AKAP13: variants seen among roughly 807,000 people sequenced by gnomAD.
AKAP13 encodes the protein A-kinase anchoring protein 13, also known as A-kinase anchor protein 13.
In AKAP13, 80 loss-of-function variants were observed where a neutral mutation model predicts 264.5. That is an observed-to-expected ratio of 0.30 (90% CI 0.25 to 0.36). The LOEUF (loss-of-function observed/expected upper bound fraction) is 0.36. Among genes scored for constraint, AKAP13 ranks in the 10% least tolerant of loss-of-function variants. AKAP13 has a pLI of 1.00. For missense variants in AKAP13, 3,712 were observed against 3,435.2 expected (o/e 1.08, Z -2.01); for synonymous variants, 1,380 against 1,250.2 (o/e 1.10, Z -2.19).
chr15:85,677,976 TTCTC>T (rs1022600768), intron 14 of AKAP13, among the ~76,000 whole-genome samples: 16 of 152,264 alleles, frequency 1.1e-4, no homozygotes, highest in Admixed American at 8.5e-4. Flanking sequence ...ATCTCCTACT[TTCTC>T]TCTCCTTTTG....
rs370562717 is a variant in AKAP13 at position 85,671,912 on chromosome 15, A to G, written c.5101+2082A>G. 3.8e-4 allele frequency among the ~76,000 whole-genome samples: 58 copies of G among 152,260 alleles called. No homozygotes were observed. The South Asian group carries it at 9.9e-3, about 26-fold the overall frequency. Reference sequence around the variant, plus strand: ...TCCCATAGAGAGACCTTTTTCCTATATTTTGTGACATGCTTTCTTTCCTTG... The same window carrying G: ...TCCCATAGAGAGACCTTTTTCCTATGTTTTGTGACATGCTTTCTTTCCTTG... On this transcript the variant is annotated intron_variant, in intron 14 of 36. Transcript: ENST00000394518.
chr15:85,529,856 T>C (rs2077193272), intron 3 of AKAP13, among the ~76,000 whole-genome samples: 1 of 152,238 alleles, frequency 6.6e-6, no homozygotes, highest in East Asian at 1.9e-4. Flanking sequence ...AGGTTTTCTT[T>C]TGAAAAAGAA....
At chr15:85,466,936 C>T (rs183518795) in intron 1 of AKAP13, among the ~76,000 whole-genome samples, 1 of 151,866 alleles carries the variant, frequency 6.6e-6, no homozygotes, top group East Asian at 1.9e-4. Context: ...TGTTCCCAAC[C>T]TTTTAAAAAT....
intron 8 of AKAP13, among the ~76,000 whole-genome samples, chr15:85,612,157 C>T (rs1355455455): frequency 6.6e-6 from 1 of 152,088 alleles, no homozygotes; most frequent in Non-Finnish European, 1.5e-5. Context: ...TGTGAAATTT[C>T]CTGGTTGTTG....
chr15:85,698,319 A>T (rs2085680867), intron 17 of AKAP13, among the ~76,000 whole-genome samples: 1 of 151,842 alleles, frequency 6.6e-6, no homozygotes, highest in African/African-American at 2.4e-5. Flanking sequence ...TACAAAAGTT[A>T]GTCGGGCATG....
chr15:85,646,237 G>A (rs562551771), intron 10 of AKAP13, among the ~76,000 whole-genome samples: 93 of 152,332 alleles, frequency 6.1e-4, no homozygotes, highest in African/African-American at 2.2e-3. Flanking sequence ...CACTTTGGGA[G>A]GCTGAGGTGG....
intron 1 of AKAP13, among the ~76,000 whole-genome samples, chr15:85,437,708 A>G (rs1213575064): frequency 2.0e-5 from 3 of 152,378 alleles, no homozygotes; most frequent in African/African-American, 7.2e-5. Flanking sequence ...AACAGAGCCA[A>G]AGACAAAAAC....
chr15:85,427,738 A>G (rs956760095), intron 1 of AKAP13, among the ~76,000 whole-genome samples: 1 of 152,226 alleles, frequency 6.6e-6, no homozygotes, highest in African/African-American at 2.4e-5. Flanking sequence ...TTATGGAAAT[A>G]TAGATGAAGG....
At chr15:85,705,534 A>T (rs74786951) in intron 17 of AKAP13, among the ~76,000 whole-genome samples, 1 of 152,210 alleles carries the variant, frequency 6.6e-6, no homozygotes, top group African/African-American at 2.4e-5. Flanking sequence ...CGATAAATGG[A>T]TTATGCAAAA....
At chr15:85,395,577 T>C (rs563193078) in intron 1 of AKAP13, among the ~76,000 whole-genome samples, 1 of 152,336 alleles carries the variant, frequency 6.6e-6, no homozygotes, top group South Asian at 2.1e-4. Flanking sequence ...AAAGGATATC[T>C]GAAGGCAGTG....
intron 5 of AKAP13, among the ~76,000 whole-genome samples, chr15:85,572,318 C>T (rs1258032075): frequency 1.3e-5 from 2 of 152,136 alleles, no homozygotes; most frequent in Admixed American, 6.5e-5. Context: ...ATGTCTGCCA[C>T]ACAATAAGGC....
chr15:85,493,727 C>T (rs543230333), intron 2 of AKAP13, among the ~76,000 whole-genome samples: 142 of 152,260 alleles, frequency 9.3e-4, no homozygotes, highest in Non-Finnish European at 1.8e-3. Context: ...GAACATAGTA[C>T]ATGCCCCCTT....
At chr15:85,423,963 G>A (rs1317269409) in intron 1 of AKAP13, among the ~76,000 whole-genome samples, 1 of 152,124 alleles carries the variant, frequency 6.6e-6, no homozygotes, top group African/African-American at 2.4e-5. Context: ...TTTTTTTCTG[G>A]GCAGTAGGTC....
chr15:85,542,125 A>T (rs187472450), intron 4 of AKAP13, among the ~76,000 whole-genome samples: 2 of 152,252 alleles, frequency 1.3e-5, no homozygotes, highest in Non-Finnish European at 2.9e-5. Context: ...TGTAAGGCAA[A>T]AGTTAGATGG....
chr15:85,592,454 AGTT>A (rs755509297), intron 8 of AKAP13, among the ~76,000 whole-genome samples: 7 of 152,164 alleles, frequency 4.6e-5, no homozygotes, highest in Non-Finnish European at 1.0e-4. Context: ...GTTATTTAAT[AGTT>A]GTCAGTTTTT....
At chr15:85,662,321 A>C in intron 12 of AKAP13, 196 of 1,552,982 alleles carry the variant, frequency 1.3e-4, no homozygotes, top group Non-Finnish European at 1.6e-4. Context: ...TTTTAAACCT[A>C]ATAACCCCAT....
intron 17 of AKAP13, among the ~76,000 whole-genome samples, chr15:85,698,293 C>G (rs2085679767): frequency 6.6e-6 from 1 of 151,468 alleles, no homozygotes; most frequent in Admixed American, 6.6e-5. Context: ...GCGGTGAAAC[C>G]CCATCTCTAC....
chr15:85,575,475 C>T (rs1291299765), intron 6 of AKAP13, 146 bp downstream of exon 6: 15 of 773,796 alleles, frequency 1.9e-5, no homozygotes, highest in Non-Finnish European at 3.2e-5. Flanking sequence ...GGGCGGATCA[C>T]GAGGTCAGGA....
chr15:85,688,089 T>C (rs1159237679), intron 16 of AKAP13, among the ~76,000 whole-genome samples: 1 of 151,268 alleles, frequency 6.6e-6, no homozygotes, highest in Non-Finnish European at 1.5e-5. Context: ...AGTAAAGCAG[T>C]ATATTTTGTG....
Sources: allele counts gnomAD v4.1 joint callset (sites outside exome capture counted in the v4.1 genomes callset), GRCh38; gene constraint gnomAD v4.1.1; transcripts MANE v1.5; gene names NCBI Gene and HGNC (gene_info 2026-07-23, HGNC 2026-07-21).